Variants in PCDHA2 observed in about 807,000 individuals in gnomAD.
PCDHA2 encodes the protein protocadherin alpha-2.
In PCDHA2, 58 loss-of-function variants were observed where a neutral mutation model predicts 66.0. That is an observed-to-expected ratio of 0.88 (90% CI 0.71 to 1.09). The LOEUF (loss-of-function observed/expected upper bound fraction) is 1.09. PCDHA2 is among the 50% of genes least tolerant of loss of function. PCDHA2 has a pLI of 0.00. For missense variants in PCDHA2, 1,267 were observed against 1,242.3 expected, an observed-to-expected ratio of 1.02 and a Z score of -0.30; for synonymous variants, 634 against 554.0, an observed-to-expected ratio of 1.14 and a Z score of -2.03.
chr5:140,928,288 C>G, intron 1 of PCDHA2: 2 of 1,614,156 alleles, frequency 1.2e-6, no homozygotes, highest in Non-Finnish European at 1.7e-6. Flanking sequence ...CTCTCTAGGC[C>G]GAGTGTTTGC....
chr5:140,932,920 A>G (rs1397195310), intron 1 of PCDHA2, among the ~76,000 whole-genome samples: 3 of 152,034 alleles, frequency 2.0e-5, no homozygotes, highest in Non-Finnish European at 4.4e-5. Flanking sequence ...CAACAACTAA[A>G]TTAACTTAGC....
At chr5:140,802,848 C>T in intron 1 of PCDHA2, 1 of 1,613,536 alleles carries the variant, frequency 6.2e-7, no homozygotes, top group South Asian at 1.1e-5. Context: ...CAACGTGACG[C>T]TGCAGGTGTT....
At chr5:140,850,434 C>T (rs2150484212) in intron 1 of PCDHA2, 3 of 1,597,894 alleles carry the variant, frequency 1.9e-6, no homozygotes, top group Non-Finnish European at 1.7e-6. Flanking sequence ...GCGCCAGCGC[C>T]TACTGGTGCT....
chr5:140,931,546 A>G (rs1416561002), intron 1 of PCDHA2, among the ~76,000 whole-genome samples: 1 of 152,048 alleles, frequency 6.6e-6, no homozygotes, highest in Non-Finnish European at 1.5e-5. Flanking sequence ...TACTGTTCAT[A>G]TGTGCAGGAA....
In PCDHA2 at chr5:140,822,935, C is replaced by T. The variant is rs2150120520; in HGVS notation, c.2388+25583C>T. ...GGTGCCAACGGGCAGGTGACCTGCT[C>T]CCTAATGCCCCACGTTCCCTTCAAG... is the stretch of plus-strand genomic sequence containing the variant. On this transcript the variant is annotated intron_variant, in intron 1 of 3. Coordinates refer to ENST00000526136, the MANE Select transcript of PCDHA2 (RefSeq NM_018905.3). 9 of 1,614,240 alleles carry T rather than the reference C, an allele frequency of 5.6e-6. No individual in the cohort carries two copies. In the South Asian group the frequency reaches 8.8e-5, roughly 16 times the overall value.
At chr5:140,824,128 G>A (rs1554129741) in intron 1 of PCDHA2, 54 of 1,612,826 alleles carry the variant, frequency 3.3e-5, no homozygotes, top group Non-Finnish European at 4.3e-5. Context: ...TACAGACAAC[G>A]TGAGTTTTCT....
chr5:140,923,508 G>C (rs570497442), intron 1 of PCDHA2, among the ~76,000 whole-genome samples: 1 of 152,222 alleles, frequency 6.6e-6, no homozygotes, highest in Non-Finnish European at 1.5e-5. Flanking sequence ...CAGCCTGGAT[G>C]ATGAAGTGAG....
intron 1 of PCDHA2, among the ~76,000 whole-genome samples, chr5:140,845,081 A>G (rs1413873569): frequency 1.3e-5 from 2 of 149,512 alleles, no homozygotes; most frequent in Non-Finnish European, 3.0e-5. Flanking sequence ...ATTGTTTTGT[A>G]GTTTATTTTA....
chr5:140,850,193 G>C (rs2150472370), intron 1 of PCDHA2: 2 of 1,593,662 alleles, frequency 1.3e-6, no homozygotes. Flanking sequence ...CGGCGCTGCT[G>C]ACACCTCGGA....
rs905171455 is a variant in PCDHA2 at position 140,851,815 on chromosome 5, A to G, written c.2388+54463A>G. The G allele has an allele frequency of 3.6e-5, 34 of 956,734 alleles. 1 individual carries two copies. Among genetic ancestry groups the G allele is most frequent in the Non-Finnish European group, 5.1e-6 (4 of 790,598 alleles). The allele number at this position is 956,734 out of a possible 1,614,324, so 59.3% of individuals were successfully genotyped here. Reference sequence around the variant, plus strand: ...TTGTTCTGTCAGTAATCCATAAGACAGAAATCTGTTTTTTTAAAAATATCT... The same window carrying G: ...TTGTTCTGTCAGTAATCCATAAGACGGAAATCTGTTTTTTTAAAAATATCT... On this transcript the variant is annotated intron_variant, in intron 1 of 3. Coordinates refer to ENST00000526136, the MANE Select transcript of PCDHA2 (RefSeq NM_018905.3).
intron 1 of PCDHA2, chr5:140,808,615 T>G (rs782669350): frequency 3.2e-5 from 52 of 1,613,780 alleles, no homozygotes; most frequent in East Asian, 6.7e-5. Context: ...ACATCTTCAC[T>G]GTGTCTGCGT....
At chr5:140,982,092 G>A (rs984553109) in intron 2 of PCDHA2, among the ~76,000 whole-genome samples, 1 of 152,218 alleles carries the variant, frequency 6.6e-6, no homozygotes, top group African/African-American at 2.4e-5. Context: ...CTAGGAACAA[G>A]AGAACCTGCA....
In PCDHA2 at chr5:140,966,787, A is replaced by C. The variant is rs781920865; in HGVS notation, c.2389-12162A>C. 5.9e-5 allele frequency: 90 copies of C among 1,526,700 alleles called. No homozygotes were observed. Among genetic ancestry groups the C allele is most frequent in the Non-Finnish European group, 7.7e-5 (88 of 1,139,948 alleles). The allele number at this position is 1,526,700 out of a possible 1,614,324, so 94.6% of individuals were successfully genotyped here. On this transcript the variant is annotated intron_variant, in intron 1 of 3. Coordinates refer to ENST00000526136, the MANE Select transcript of PCDHA2 (RefSeq NM_018905.3). ...TGGCTATGGAGCAGGCGGGCACCAG[A>C]CCTGCGGCGACAGAGCATCCACGGC...
chr5:140,953,992 G>A (rs1210096728), intron 1 of PCDHA2, among the ~76,000 whole-genome samples: 3 of 152,034 alleles, frequency 2.0e-5, no homozygotes, highest in Non-Finnish European at 2.9e-5. Context: ...ATTTTCATGT[G>A]TACTCATCAT....
At chr5:140,833,975 T>C (rs1554134022) in intron 1 of PCDHA2, among the ~76,000 whole-genome samples, 1 of 152,086 alleles carries the variant, frequency 6.6e-6, no homozygotes, top group East Asian at 1.9e-4. Flanking sequence ...GAAAAAAAAG[T>C]TTTTCTAAGG....
At position 140,987,235 on chromosome 5, in the gene PCDHA2, T is replaced by G. The variant is rs189203030; in HGVS notation, c.2536+4672T>G. Among the ~76,000 whole-genome samples, 565 of 151,370 alleles carry G rather than the reference T, an allele frequency of 3.7e-3. 4 individuals are homozygous for G. The highest frequency in any genetic ancestry group is 0.013 in the African/African-American group (539 of 41,236). On this transcript the variant is annotated intron_variant, in intron 3 of 3. Transcript: ENST00000526136. Reference sequence around the variant, plus strand: ...TCTCAAAAAAAAAAAAAATAATAAATAAAGAAAGAAAGACATTCTCAGGAA... The same window carrying G: ...TCTCAAAAAAAAAAAAAATAATAAAGAAAGAAAGAAAGACATTCTCAGGAA...
chr5:141,011,325 A>G lies in PCDHA2; in HGVS notation c.*1388A>G, dbSNP rs533115888. 1 of 153,778 alleles carries G rather than the reference A, an allele frequency of 6.5e-6. No individual in the cohort carries two copies. Among genetic ancestry groups the G allele is most frequent in the African/African-American group, 2.4e-5 (1 of 41,456 alleles). 9.5% of individuals were successfully genotyped at this position (153,778 alleles called of 1,614,324 possible). On this transcript the variant is annotated 3_prime_UTR_variant, in exon 4 of 4. Transcript: ENST00000526136. ...TGAATTGCTAATCTTACTAACACCTATGATGTTACCTGAAATCAATCTCCC... is the reference window on the plus strand; with the variant it reads ...TGAATTGCTAATCTTACTAACACCTGTGATGTTACCTGAAATCAATCTCCC...
chr5:140,987,789 G>T (rs1356794638), intron 3 of PCDHA2, among the ~76,000 whole-genome samples: 2 of 152,136 alleles, frequency 1.3e-5, no homozygotes, highest in African/African-American at 4.8e-5. Context: ...CTATAGAGAA[G>T]ATTTTTTTAA....
At chr5:140,892,827 A>G (rs1304427197) in intron 1 of PCDHA2, among the ~76,000 whole-genome samples, 3 of 152,188 alleles carry the variant, frequency 2.0e-5, no homozygotes, top group African/African-American at 7.2e-5. Context: ...ACAGTGCTAC[A>G]GTGCTGCAAA....
Sources: allele counts gnomAD v4.1 joint callset (sites outside exome capture counted in the v4.1 genomes callset), GRCh38; gene constraint gnomAD v4.1.1; transcripts MANE v1.5; gene names NCBI Gene and HGNC (gene_info 2026-07-23, HGNC 2026-07-21).